TNS1: variants seen among roughly 807,000 people sequenced by gnomAD.
The protein encoded by TNS1 is tensin-1.
Under a neutral mutation model 168.6 loss-of-function variants are expected in TNS1, and 62 were observed. The ratio of observed to expected loss-of-function variants is 0.37; its 90% CI spans 0.30 to 0.45. TNS1 has a LOEUF of 0.45. TNS1 is among the 20% of genes least tolerant of loss of function. TNS1 has a pLI of 1.00. For missense variants in TNS1, 2,240 were observed against 2,339.4 expected (o/e 0.96, Z 0.88); for synonymous variants, 934 against 933.2 (o/e 1.00, Z -0.02).
At chr2:218,020,301 C>CT (rs1480738323) in intron 1 of TNS1, among the ~76,000 whole-genome samples, 4 of 152,076 alleles carry the variant, frequency 2.6e-5, no homozygotes, top group African/African-American at 7.2e-5. Context: ...CTGCAGGCCT[C>CT]TCTTCAATTC....
At position 217,885,827 on chromosome 2, in the gene TNS1, A is replaced by T; in HGVS notation, c.1041-8T>A. 6.2e-7 allele frequency: 1 copy of T among 1,614,022 alleles called. No individual in the cohort carries two copies. On this transcript the variant is annotated splice_polypyrimidine_tract_variant and splice_region_variant and intron_variant, in intron 14 of 32. Transcript: ENST00000682258. Reference sequence around the variant, plus strand: ...CTGTCTCCTGGGATGTTGCTAAGGGAGAGAGGTGGGCAGAAAAAGAGTGGG... The same window carrying T: ...CTGTCTCCTGGGATGTTGCTAAGGGTGAGAGGTGGGCAGAAAAAGAGTGGG...
rs528529142 is a variant in TNS1 at position 217,891,923 on chromosome 2, G to A, written c.783-878C>T. 8.5e-5 allele frequency among the ~76,000 whole-genome samples: 13 copies of A among 152,188 alleles called. No individual in the cohort carries two copies. In the East Asian group the frequency reaches 2.5e-3, roughly 29 times the overall value. Reference sequence around the variant, plus strand: ...CATCAAGAGGCCTTCTCCAACCATGGACCTGCCTCGCCACTGCCCTTCTTG... The same window carrying A: ...CATCAAGAGGCCTTCTCCAACCATGAACCTGCCTCGCCACTGCCCTTCTTG... On this transcript the variant is annotated intron_variant, in intron 11 of 32. Transcript: ENST00000682258.
At chr2:217,850,035 TC>T in intron 18 of TNS1, 2 of 985,230 alleles carry the variant, frequency 2.0e-6, no homozygotes, top group Non-Finnish European at 2.4e-6. Flanking sequence ...TCCCAGCTCC[TC>T]CCCAGCACTG....
At chr2:218,010,470 C>A (rs1256785170), upstream of TNS1, 1 of 332,688 alleles carries the variant, frequency 3.0e-6, no homozygotes, top group East Asian at 4.5e-5. Flanking sequence ...GGCTTACACC[C>A]TCAGGGACTC....
chr2:217,965,607 C>T (rs761311132), intron 3 of TNS1, among the ~76,000 whole-genome samples: 4 of 152,198 alleles, frequency 2.6e-5, no homozygotes, highest in Non-Finnish European at 5.9e-5. Flanking sequence ...TCTCATAAGG[C>T]ATCCTGGGCC....
chr2:217,859,751 C>T (rs1337619738), intron 18 of TNS1: 2 of 1,429,102 alleles, frequency 1.4e-6, no homozygotes, highest in African/African-American at 2.8e-5. Context: ...TTCGCAATGC[C>T]TCACCCTCGT....
At chr2:217,924,018 C>T (rs551392378) in intron 3 of TNS1, among the ~76,000 whole-genome samples, 7 of 152,222 alleles carry the variant, frequency 4.6e-5, no homozygotes, top group Admixed American at 1.3e-4. Context: ...GAGCAGCCAG[C>T]CCAGGCAGGG....
chr2:217,886,681 GGTGGGTACT>G (rs1386068824), intron 12 of TNS1, 35 bp from the exon 13 acceptor site: 3 of 1,441,802 alleles, frequency 2.1e-6, no homozygotes, highest in Admixed American at 3.9e-5. Context: ...CAGGGAGTGA[GGTGGGTACT>G]GGTGCAGTAA....
chr2:217,891,061 G>A lies in TNS1; in HGVS notation c.783-16C>T. The A allele has an allele frequency of 1.9e-6, 3 of 1,614,034 alleles. No individual in the cohort carries two copies. The South Asian group carries it at 3.3e-5, about 18-fold the overall frequency. On this transcript the variant is annotated splice_polypyrimidine_tract_variant and intron_variant, in intron 11 of 32. Transcript: ENST00000682258. ...CTGGTCCGCACTGCAGGGAGAGACA[G>A]GTGGTCAAAAGAGGCAACTCCTGCA...
At chr2:217,899,612 G>A (rs1353260297) in intron 7 of TNS1, among the ~76,000 whole-genome samples, 3 of 152,236 alleles carry the variant, frequency 2.0e-5, no homozygotes, top group Non-Finnish European at 4.4e-5. Flanking sequence ...AGGAAGGGGA[G>A]CAAGAGGGGC....
chr2:218,032,967 G>T lies in TNS1; in HGVS notation c.156+853C>A, dbSNP rs757058142. Among the ~76,000 whole-genome samples the T allele has an allele frequency of 2.4e-4, 37 of 151,960 alleles. No individual in the cohort carries two copies. Among genetic ancestry groups the T allele is most frequent in the Non-Finnish European group, 4.3e-4 (29 of 67,972 alleles). ...CTTGATCATCCACCTCCAGAGCCCC[G>T]GCTCCTCCCTCCATCACAGCCCCAC... On this transcript the variant is annotated intron_variant, in intron 1 of 1. Coordinates refer to the TNS1 transcript ENST00000649572. The surrounding 1 kb of genome is among the most constrained non-coding windows in gnomAD (Gnocchi z 4.0).
intron 3 of TNS1, among the ~76,000 whole-genome samples, chr2:217,947,208 G>T (rs1024582025): frequency 6.6e-6 from 1 of 151,812 alleles, no homozygotes; most frequent in African/African-American, 2.4e-5. Context: ...TTCCAGTTGC[G>T]GTTGGTCCCT....
chr2:217,815,587 C>T (rs1185634896), intron 24 of TNS1, among the ~76,000 whole-genome samples: 3 of 152,204 alleles, frequency 2.0e-5, no homozygotes, highest in African/African-American at 7.2e-5. Flanking sequence ...GTGGCTGAGC[C>T]ACCTCCTGGT....
intron 3 of TNS1, among the ~76,000 whole-genome samples, chr2:217,945,652 A>G (rs913031059): frequency 6.6e-6 from 1 of 152,198 alleles, no homozygotes; most frequent in African/African-American, 2.4e-5. Flanking sequence ...TGCTGTCCAC[A>G]AATGGCAAGG....
intron 30 of TNS1, 39 bp from the exon 31 acceptor site, chr2:217,808,710 G>A (rs1237969100): frequency 2.5e-6 from 4 of 1,599,634 alleles, no homozygotes; most frequent in Non-Finnish European, 3.4e-6. Context: ...AATGAGTGCT[G>A]AAGGGGCTGC....
chr2:217,981,538 G>A (rs555037817), intron 2 of TNS1, among the ~76,000 whole-genome samples: 1 of 152,314 alleles, frequency 6.6e-6, no homozygotes, highest in South Asian at 2.1e-4. Context: ...GCTCTACAGA[G>A]GGGAACGAGG....
chr2:217,883,937 C>G (rs2125663244), intron 16 of TNS1, among the ~76,000 whole-genome samples: 2 of 152,348 alleles, frequency 1.3e-5, no homozygotes, highest in South Asian at 4.1e-4. Flanking sequence ...AGGATGGCAT[C>G]TGCTCCATGG....
intron 12 of TNS1, among the ~76,000 whole-genome samples, chr2:217,889,487 T>C (rs1951533922): frequency 6.6e-6 from 1 of 152,222 alleles, no homozygotes; most frequent in Non-Finnish European, 1.5e-5. Context: ...CTCCAGGCCC[T>C]TGTAGTCAGT....
intron 18 of TNS1, among the ~76,000 whole-genome samples, chr2:217,852,025 A>G (rs1205352490): frequency 1.3e-5 from 2 of 152,168 alleles, no homozygotes; most frequent in Non-Finnish European, 2.9e-5. Context: ...CATGCCTGTA[A>G]TCCCAGCTAC....
Sources: gnomAD v4.1 joint callset for allele counts (sites outside exome capture counted in the v4.1 genomes callset) on GRCh38, gnomAD v4.1.1 for gene constraint, Gnocchi (gnomAD v3.1) non-coding constraint, MANE v1.5 for transcripts, NCBI Gene and HGNC (gene_info 2026-07-23, HGNC 2026-07-21) for gene names.